Variants in SCCPDH observed in about 807,000 individuals in gnomAD.
The protein encoded by SCCPDH is saccharopine dehydrogenase (putative).
SCCPDH carries 34 observed loss-of-function variants against 51.5 expected under a neutral mutation model. That is an observed-to-expected ratio of 0.66 (90% CI 0.50 to 0.88). The LOEUF (loss-of-function observed/expected upper bound fraction) is 0.88, where lower values mean the gene tolerates loss of function less well. Ranked by LOEUF, SCCPDH falls within the 40% of genes least tolerant of loss-of-function variation. The probability of loss-of-function intolerance (pLI) is 0.00; values close to 1 mark genes in which losing one functional copy is unlikely to be tolerated. For synonymous variants in SCCPDH, 187 were observed against 191.3 expected, an observed-to-expected ratio of 0.98 and a Z score of 0.19; for missense variants, 464 against 527.1, an observed-to-expected ratio of 0.88 and a Z score of 1.17.
intron 3 of SCCPDH, among the ~76,000 whole-genome samples, chr1:246,738,799 G>T (rs1382880233): frequency 6.6e-6 from 1 of 152,122 alleles, no homozygotes; most frequent in African/African-American, 2.4e-5. Flanking sequence ...GTTGCAGTGA[G>T]CCGAGTCTGC....
At chr1:246,730,672 G>T (rs1262438536) in intron 2 of SCCPDH, among the ~76,000 whole-genome samples, 1 of 152,184 alleles carries the variant, frequency 6.6e-6, no homozygotes, top group South Asian at 2.1e-4. Context: ...ACATTAACAT[G>T]GATAAAAGTT....
At chr1:246,754,198 C>T (rs375128714) in intron 5 of SCCPDH, among the ~76,000 whole-genome samples, 1 of 151,966 alleles carries the variant, frequency 6.6e-6, no homozygotes, top group South Asian at 2.1e-4. Context: ...TGTTTCTTAC[C>T]TTGGTCTGTG....
At chr1:246,741,164 C>A (rs1185299616) in intron 4 of SCCPDH, among the ~76,000 whole-genome samples, 1 of 151,980 alleles carries the variant, frequency 6.6e-6, no homozygotes, top group African/African-American at 2.4e-5. Flanking sequence ...ATAAAGTGTT[C>A]TAGACTTAAA....
At chr1:246,734,770 T>C (rs1453654380) in intron 2 of SCCPDH, among the ~76,000 whole-genome samples, 1 of 152,246 alleles carries the variant, frequency 6.6e-6, no homozygotes, top group Non-Finnish European at 1.5e-5. Flanking sequence ...GCAGAGGAGT[T>C]TGTGCTTCTA....
At chr1:246,761,279 G>A (rs1415765203) in intron 9 of SCCPDH, among the ~76,000 whole-genome samples, 1 of 152,202 alleles carries the variant, frequency 6.6e-6, no homozygotes, top group South Asian at 2.1e-4. Context: ...GTTTCACCAA[G>A]TTGGGCAGGC....
At chr1:246,757,325 C>T (rs1668945493) in intron 5 of SCCPDH, among the ~76,000 whole-genome samples, 1 of 110,464 alleles carries the variant, frequency 9.1e-6, no homozygotes, top group South Asian at 3.2e-4. Context: ...GTCTGGGTGA[C>T]AAGAGCAAGA....
Position 246,726,900 on chromosome 1 carries a change from A to G in SCCPDH, c.199A>G (p.Thr67Ala). ...EKAALKLGRP[T>A]LSSEVGIIIC... ...TTTGTTTCTTATTTTAGGAAGACCA[A>G]CACTGTCATCTGAAGTTGGAATCAT... The change falls in exon 2 of 12, where the codon ACA (threonine) becomes GCA (alanine). Residue 67 changes from threonine to alanine, a missense_variant. Physicochemically the swap from Thr to Ala is moderately conservative, Grantham distance 58. Transcript: ENST00000366510. 3 of 1,612,194 alleles carry G rather than the reference A, an allele frequency of 1.9e-6. No homozygotes were observed. The highest frequency in any genetic ancestry group is 2.5e-6 in the Non-Finnish European group (3 of 1,178,228).
chr1:246,748,594 A>T (rs992614222), intron 5 of SCCPDH, among the ~76,000 whole-genome samples: 1 of 152,164 alleles, frequency 6.6e-6, no homozygotes, highest in African/African-American at 2.4e-5. Context: ...TGCTGATTAT[A>T]ATAGATGTAA....
chr1:246,750,995 C>T (rs1235562335), intron 5 of SCCPDH, among the ~76,000 whole-genome samples: 6 of 152,234 alleles, frequency 3.9e-5, no homozygotes, highest in African/African-American at 1.4e-4. Flanking sequence ...GTGGGGCCCC[C>T]AGTGGGTCCC....
rs150026704 is a variant in SCCPDH, at chr1:246,741,153, T to C, written c.514+852T>C. Among the ~76,000 whole-genome samples the C allele has an allele frequency of 7.0e-3, 1,063 of 152,144 alleles. 11 individuals are homozygous for C. The highest frequency in any genetic ancestry group is 0.025 in the African/African-American group (1,019 of 41,490). Reference sequence around the variant, plus strand: ...ACTGAAACAGGTAACTTCAGTACCATATAAAGTGTTCTAGACTTAAAAAAT... The same window carrying C: ...ACTGAAACAGGTAACTTCAGTACCACATAAAGTGTTCTAGACTTAAAAAAT... On this transcript the variant is annotated intron_variant, in intron 4 of 11. Coordinates refer to ENST00000366510, the MANE Select transcript of SCCPDH (RefSeq NM_016002.3).
intron 9 of SCCPDH, among the ~76,000 whole-genome samples, chr1:246,763,864 T>G (rs1014900834): frequency 1.3e-5 from 2 of 152,224 alleles, no homozygotes; most frequent in African/African-American, 4.8e-5. Flanking sequence ...TTTACATCTT[T>G]AAGTGGAACA....
rs1404777994 is a variant in SCCPDH at position 246,724,849 on chromosome 1, C to A, written c.190+237C>A. On this transcript the variant is annotated intron_variant, in intron 1 of 11. Coordinates refer to ENST00000366510, the MANE Select transcript of SCCPDH (RefSeq NM_016002.3). ...ATACACACACATTTTTTTTTCTTTC[C>A]TTCTCCTCTTTCCCGCTTTTTGCAT... Among the ~76,000 whole-genome samples the A allele has an allele frequency of 1.3e-5, 2 of 151,542 alleles. 1 individual carries two copies.
At chr1:246,741,690 C>T (rs918479995) in intron 4 of SCCPDH, among the ~76,000 whole-genome samples, 14 of 152,074 alleles carry the variant, frequency 9.2e-5, no homozygotes, top group African/African-American at 3.4e-4. Flanking sequence ...AGCTATATGC[C>T]CATCTCAAAA....
intron 3 of SCCPDH, among the ~76,000 whole-genome samples, chr1:246,739,628 T>C (rs1668648808): frequency 6.6e-6 from 1 of 152,228 alleles, no homozygotes; most frequent in South Asian, 2.1e-4. Context: ...ATGTAAAAGA[T>C]GTTAAAAATA....
intron 4 of SCCPDH, among the ~76,000 whole-genome samples, chr1:246,743,111 C>T (rs1668704019): frequency 6.6e-6 from 1 of 152,052 alleles, no homozygotes; most frequent in Non-Finnish European, 1.5e-5. Flanking sequence ...CTAACTTCTT[C>T]CTTCTTTTGA....
At position 246,767,406 on chromosome 1, in the gene SCCPDH, T is replaced by C. The variant is rs1441607395; in HGVS notation, c.*106T>C. 3 of 556,060 alleles carry C rather than the reference T, an allele frequency of 5.4e-6. No homozygotes were observed. The highest frequency in any genetic ancestry group is 8.8e-6 in the Non-Finnish European group (3 of 341,664). The allele number at this position is 556,060 out of a possible 1,614,324, so 34.4% of individuals were successfully genotyped here. A position where few individuals can be genotyped will look rare whatever the true frequency, so the allele number is the denominator to read the frequency against. Reference sequence around the variant, plus strand: ...CTGTCTGAGTGTATGTGGAAACGATTGTCAAATCTAAAATATCTATATATT... The same window carrying C: ...CTGTCTGAGTGTATGTGGAAACGATCGTCAAATCTAAAATATCTATATATT... On this transcript the variant is annotated 3_prime_UTR_variant, in exon 12 of 12. Transcript: ENST00000366510.
At chr1:246,738,699 A>G (rs371833000) in intron 3 of SCCPDH, among the ~76,000 whole-genome samples, 5 of 151,930 alleles carry the variant, frequency 3.3e-5, no homozygotes, top group African/African-American at 9.7e-5. Context: ...CACTAAAAAT[A>G]GAAAATTAGC....
At chr1:246,752,657 T>C (rs77623416) in intron 5 of SCCPDH, among the ~76,000 whole-genome samples, 37,064 of 151,980 alleles carry the variant, frequency 0.24, 4,626 homozygotes, top group South Asian at 0.3. Context: ...TCTGTAACTT[T>C]CCTCGATTCC....
chr1:246,746,966 C>G (rs753942540), intron 5 of SCCPDH, among the ~76,000 whole-genome samples: 6 of 152,186 alleles, frequency 3.9e-5, no homozygotes, highest in Admixed American at 6.5e-5. Flanking sequence ...AACAAAGGCT[C>G]AGAAACAAGA....
Sources: allele counts gnomAD v4.1 joint callset (sites outside exome capture counted in the v4.1 genomes callset), GRCh38; gene constraint gnomAD v4.1.1; transcripts MANE v1.5; gene names NCBI Gene and HGNC (gene_info 2026-07-23, HGNC 2026-07-21).